PAM: variants seen among roughly 807,000 people sequenced by gnomAD.
PAM encodes the protein peptidyl-glycine alpha-amidating monooxygenase.
In PAM, 72 loss-of-function variants were observed where a neutral mutation model predicts 122.1. That is an observed-to-expected ratio of 0.59 (90% CI 0.49 to 0.72). The LOEUF (loss-of-function observed/expected upper bound fraction) is 0.72. Among genes scored for constraint, PAM ranks in the 30% least tolerant of loss-of-function variants. The pLI, the probability that PAM is intolerant of heterozygous loss-of-function variation, is 0.00. For missense variants in PAM, 1,106 were observed against 1,183.7 expected, an observed-to-expected ratio of 0.93 and a Z score of 0.96; for synonymous variants, 389 against 404.4, an observed-to-expected ratio of 0.96 and a Z score of 0.46.
intron 5 of PAM, among the ~76,000 whole-genome samples, chr5:102,923,860 A>G (rs1748344360): frequency 2.0e-5 from 3 of 152,154 alleles, no homozygotes; most frequent in South Asian, 4.1e-4. Context: ...TCACCCTGCA[A>G]CACTCTCTGT....
At chr5:102,756,546 G>C (rs1750385684) in intron 1 of PAM, among the ~76,000 whole-genome samples, 1 of 152,108 alleles carries the variant, frequency 6.6e-6, no homozygotes, top group Admixed American at 6.5e-5. Context: ...TTTCATTTTA[G>C]TAAAATCAGA....
intron 16 of PAM, among the ~76,000 whole-genome samples, chr5:102,996,998 C>A (rs1347029715): frequency 6.6e-6 from 1 of 151,984 alleles, no homozygotes; most frequent in Non-Finnish European, 1.5e-5. Flanking sequence ...TCAGTAAATT[C>A]TAGAATTTGT....
intron 1 of PAM, among the ~76,000 whole-genome samples, chr5:102,828,990 G>A (rs903987658): frequency 1.4e-5 from 2 of 145,046 alleles, no homozygotes; most frequent in Non-Finnish European, 1.5e-5. Flanking sequence ...TTGCACTCCA[G>A]CAATCCTCAT....
chr5:102,781,183 A>G (rs771889931), intron 1 of PAM, among the ~76,000 whole-genome samples: 3 of 152,190 alleles, frequency 2.0e-5, no homozygotes, highest in Non-Finnish European at 4.4e-5. Context: ...AGGTGAAGCC[A>G]GTAAGAAAAG....
At chr5:102,759,217 G>A (rs1751599073) in intron 1 of PAM, among the ~76,000 whole-genome samples, 1 of 152,216 alleles carries the variant, frequency 6.6e-6, no homozygotes, top group Non-Finnish European at 1.5e-5. Context: ...GTAGGTGAAT[G>A]TCACACAGTG....
intron 7 of PAM, among the ~76,000 whole-genome samples, chr5:102,938,132 C>A (rs1191917261): frequency 6.6e-6 from 1 of 152,162 alleles, no homozygotes; most frequent in African/African-American, 2.4e-5. Context: ...TAGTACCTCC[C>A]AAATGATCTG....
At chr5:102,778,402 A>G (rs1175684570) in intron 1 of PAM, among the ~76,000 whole-genome samples, 1 of 152,164 alleles carries the variant, frequency 6.6e-6, no homozygotes, top group East Asian at 1.9e-4. Context: ...TGTTTACCTG[A>G]CAAGTAAACA....
intron 7 of PAM, among the ~76,000 whole-genome samples, chr5:102,942,684 G>A (rs1008909149): frequency 3.3e-5 from 5 of 151,002 alleles, no homozygotes; most frequent in Non-Finnish European, 4.4e-5. Flanking sequence ...CCAGGCACAA[G>A]CAATCCTCAC....
intron 1 of PAM, among the ~76,000 whole-genome samples, chr5:102,849,588 G>A (rs1452029157): frequency 6.6e-6 from 1 of 151,242 alleles, no homozygotes; most frequent in East Asian, 1.9e-4. Context: ...AAAGAAAAAG[G>A]TGCATAAGTA....
At chr5:102,847,087 T>C (rs1207745889) in intron 1 of PAM, among the ~76,000 whole-genome samples, 1 of 152,156 alleles carries the variant, frequency 6.6e-6, no homozygotes, top group Non-Finnish European at 1.5e-5. Context: ...CATCTTTTTC[T>C]TTCTCCCGAG....
chr5:102,945,298 A>G (rs1041014758), intron 7 of PAM, among the ~76,000 whole-genome samples: 1 of 152,096 alleles, frequency 6.6e-6, no homozygotes, highest in Non-Finnish European at 1.5e-5. Context: ...GTAAGGCACT[A>G]TCCTATGATC....
intron 1 of PAM, among the ~76,000 whole-genome samples, chr5:102,864,192 T>A (rs911179740): frequency 1.4e-4 from 20 of 148,080 alleles, no homozygotes; most frequent in African/African-American, 3.7e-4. Context: ...ATATTTTTTT[T>A]TTTTTTAAAG....
chr5:102,930,761 C>T (rs547204113), intron 7 of PAM, among the ~76,000 whole-genome samples: 1 of 152,252 alleles, frequency 6.6e-6, no homozygotes, highest in South Asian at 2.1e-4. Context: ...AAGTATGGGG[C>T]TGTAGGTGGC....
intron 23 of PAM, among the ~76,000 whole-genome samples, chr5:103,020,232 G>A (rs149361053): frequency 0.013 from 2,030 of 152,190 alleles, 16 homozygotes; most frequent in Non-Finnish European, 0.019. Context: ...TAATATAAAG[G>A]AGTGAAAAAT....
At chr5:102,820,153 C>T (rs1212963738) in intron 1 of PAM, among the ~76,000 whole-genome samples, 11 of 152,090 alleles carry the variant, frequency 7.2e-5, no homozygotes, top group Admixed American at 7.2e-4. Context: ...ATCACCACAT[C>T]TTGGAAAAGT....
intron 2 of PAM, 66 bp from the exon 3 acceptor site, chr5:102,867,207 C>T (rs1469075509): frequency 1.8e-6 from 2 of 1,094,064 alleles, no homozygotes; most frequent in African/African-American, 3.1e-5. Flanking sequence ...TCCTTTCTTT[C>T]CCCTTCTCAT....
intron 3 of PAM, among the ~76,000 whole-genome samples, chr5:102,875,463 G>C (rs1788865259): frequency 6.6e-6 from 1 of 152,024 alleles, no homozygotes; most frequent in South Asian, 2.1e-4. Flanking sequence ...CAAAGTGCTG[G>C]GATTACAGGT....
chr5:102,926,967 A>G (rs955266877), intron 7 of PAM, among the ~76,000 whole-genome samples: 1 of 152,040 alleles, frequency 6.6e-6, no homozygotes, highest in Non-Finnish European at 1.5e-5. Context: ...AGGAGTGCGG[A>G]TCATTCCAAG....
intron 7 of PAM, among the ~76,000 whole-genome samples, chr5:102,932,018 A>G (rs1581837081): frequency 1.3e-5 from 2 of 152,146 alleles, no homozygotes. Flanking sequence ...TCCTTTATGT[A>G]AGCTCTAAGA....
Sources: allele counts gnomAD v4.1 joint callset (sites outside exome capture counted in the v4.1 genomes callset), GRCh38; gene constraint gnomAD v4.1.1; transcripts MANE v1.5; gene names NCBI Gene and HGNC (gene_info 2026-07-23, HGNC 2026-07-21).